The following CNKSR2 variants were observed in gnomAD, a reference collection of about 807,000 sequenced individuals.
The protein encoded by CNKSR2 is CNK homolog protein 2.
A neutral mutation model predicts 84.4 loss-of-function variants in CNKSR2; 14 were observed. The ratio of observed to expected loss-of-function variants is 0.17; its 90% confidence interval spans 0.11 to 0.26. The LOEUF is 0.26. Among genes scored for constraint, CNKSR2 ranks in the 10% least tolerant of loss-of-function variants. The probability of loss-of-function intolerance (pLI) is 1.00; values close to 1 mark genes in which losing one functional copy is unlikely to be tolerated. For synonymous variants in CNKSR2, 275 were observed against 277.9 expected (o/e 0.99, Z 0.10); for missense variants, 485 against 771.2 (o/e 0.63, Z 4.40).
At chrX:21,387,324 A>G (rs1007929925) in intron 1 of CNKSR2, among the ~76,000 whole-genome samples, 51 of 110,758 alleles carry the variant, frequency 4.6e-4, no homozygotes, top group African/African-American at 1.6e-3. Flanking sequence ...TCTACAGAAA[A>G]TACAAAAATT....
intron 14 of CNKSR2, 40 bp downstream of exon 14, chrX:21,590,660 T>C (rs766793008): frequency 3.3e-5 from 38 of 1,146,364 alleles, no homozygotes; most frequent in Admixed American, 2.7e-4. Flanking sequence ...CTTATTTTGC[T>C]CTTTGATAAT....
intron 21 of CNKSR2, among the ~76,000 whole-genome samples, chrX:21,649,486 C>T (rs1237318994): frequency 8.9e-6 from 1 of 112,459 alleles, no homozygotes; most frequent in Non-Finnish European, 1.9e-5. Flanking sequence ...GATGAAGCCA[C>T]GGTGATTTGT....
At chrX:21,575,652 C>T (rs1424485057) in intron 13 of CNKSR2, among the ~76,000 whole-genome samples, 2 of 111,581 alleles carry the variant, frequency 1.8e-5, no homozygotes, top group East Asian at 5.6e-4. Flanking sequence ...GCTGTGAGTT[C>T]CCAGGCTTTT....
intron 11 of CNKSR2, among the ~76,000 whole-genome samples, chrX:21,560,140 G>A (rs1201403083): frequency 9.0e-6 from 1 of 111,400 alleles, no homozygotes; most frequent in African/African-American, 3.3e-5. Context: ...AAGAATTGTT[G>A]GAGTACTGTA....
intron 13 of CNKSR2, among the ~76,000 whole-genome samples, chrX:21,569,005 A>C (rs897183259): frequency 1.8e-5 from 2 of 112,093 alleles, no homozygotes; most frequent in Non-Finnish European, 3.8e-5. Context: ...ATGCATGTTC[A>C]GTTCCAGACA....
At chrX:21,651,749 G>C (rs1281407663) in intron 21 of CNKSR2, among the ~76,000 whole-genome samples, 1 of 111,565 alleles carries the variant, frequency 9.0e-6, no homozygotes, top group Non-Finnish European at 1.9e-5. Flanking sequence ...ACATGGAAGG[G>C]AGAGCCATTC....
chrX:21,644,352 T>C (rs1442307206), intron 20 of CNKSR2: 1 of 112,274 alleles, frequency 8.9e-6, no homozygotes, highest in Non-Finnish European at 1.9e-5. Flanking sequence ...TCGTTATCCA[T>C]CATTGGCTTC....
chrX:21,609,829 C>T (rs982107449), intron 20 of CNKSR2, among the ~76,000 whole-genome samples: 1 of 111,552 alleles, frequency 9.0e-6, no homozygotes, highest in Non-Finnish European at 1.9e-5. Context: ...TCTCAAGATA[C>T]CCACAGCTGG....
At chrX:21,396,711 T>C (rs190085800) in intron 1 of CNKSR2, among the ~76,000 whole-genome samples, 1 of 112,068 alleles carries the variant, frequency 8.9e-6, no homozygotes, top group East Asian at 2.8e-4. Context: ...GAACAAACTT[T>C]TAGAAATCTC....
rs1292359360 is a variant in CNKSR2 at position 21,650,280 on chromosome X, A to G, written c.2889+1253A>G. On this transcript the variant is annotated intron_variant, in intron 21 of 21. Coordinates refer to ENST00000379510, the MANE Select transcript of CNKSR2 (RefSeq NM_014927.5). ...ATGAGTTCATGTCCTTTGCAGGGGC[A>G]TAGATGAAGCTGGAAACCATCATCC... Among the ~76,000 whole-genome samples the G allele has an allele frequency of 1.5e-4, 17 of 110,780 alleles. No homozygotes were observed. The East Asian group carries it at 4.8e-3, about 31-fold the overall frequency.
chrX:21,499,038 T>C (rs2091531706), intron 7 of CNKSR2, among the ~76,000 whole-genome samples: 1 of 111,920 alleles, frequency 8.9e-6, no homozygotes, highest in Non-Finnish European at 1.9e-5. Context: ...GTGAAACATA[T>C]ATATTTGCAG....
At chrX:21,618,129 A>G (rs1020441184) in intron 20 of CNKSR2, among the ~76,000 whole-genome samples, 2 of 111,146 alleles carry the variant, frequency 1.8e-5, no homozygotes, top group African/African-American at 6.5e-5. Context: ...GAACTTGGAT[A>G]TGGGCTTCAT....
intron 10 of CNKSR2, among the ~76,000 whole-genome samples, chrX:21,528,933 CT>C (rs1224789746): frequency 9.0e-6 from 1 of 111,058 alleles, no homozygotes; most frequent in Non-Finnish European, 1.9e-5. Context: ...ACAGTCAAAA[CT>C]TTTTGCAGTC....
At chrX:21,388,633 A>G (rs2090005325) in intron 1 of CNKSR2, among the ~76,000 whole-genome samples, 1 of 112,416 alleles carries the variant, frequency 8.9e-6, no homozygotes, top group South Asian at 3.7e-4. Context: ...AACCCAACAT[A>G]TAAAATAAAT....
chrX:21,465,932 T>C (rs754489089), intron 4 of CNKSR2, among the ~76,000 whole-genome samples: 2 of 111,603 alleles, frequency 1.8e-5, no homozygotes, highest in African/African-American at 6.5e-5. Context: ...ATTATGATCC[T>C]GTGTGGGTGT....
intron 10 of CNKSR2, among the ~76,000 whole-genome samples, chrX:21,530,409 G>C (rs778511410): frequency 7.4e-4 from 82 of 111,044 alleles, no homozygotes; most frequent in Non-Finnish European, 1.2e-3. Context: ...TTTACACACA[G>C]AAGCAGAAAT....
chrX:21,647,939 T>A (rs1249449446), intron 20 of CNKSR2, among the ~76,000 whole-genome samples: 1 of 111,816 alleles, frequency 8.9e-6, no homozygotes, highest in Non-Finnish European at 1.9e-5. Context: ...CATCTTTGTT[T>A]ATCATTGTTG....
intron 5 of CNKSR2, among the ~76,000 whole-genome samples, chrX:21,474,542 T>C (rs1405770863): frequency 8.9e-6 from 1 of 111,927 alleles, no homozygotes; most frequent in Non-Finnish European, 1.9e-5. Flanking sequence ...CAAAGCTTGC[T>C]CCTTGGGGTG....
At chrX:21,416,162 A>G (rs2090419315) in intron 1 of CNKSR2, among the ~76,000 whole-genome samples, 1 of 111,624 alleles carries the variant, frequency 9.0e-6, no homozygotes, top group African/African-American at 3.3e-5. Flanking sequence ...GTGATGTTGA[A>G]TTTTATTAAA....
Sources: gnomAD v4.1 joint callset for allele counts (sites outside exome capture counted in the v4.1 genomes callset) on GRCh38, gnomAD v4.1.1 for gene constraint, MANE v1.5 for transcripts, NCBI Gene and HGNC (gene_info 2026-07-23, HGNC 2026-07-21) for gene names.